AGTPBP1: variants seen among roughly 807,000 people sequenced by gnomAD.
AGTPBP1 encodes the protein ATP/GTP binding carboxypeptidase 1, also known as cytosolic carboxypeptidase 1.
AGTPBP1 carries 70 observed loss-of-function variants against 143.9 expected under a neutral mutation model. The observed-to-expected ratio is 0.49, with a 90% CI of 0.40 to 0.59. The LOEUF (loss-of-function observed/expected upper bound fraction) is 0.59, where lower values mean the gene tolerates loss of function less well. Among genes scored for constraint, AGTPBP1 ranks in the 20% least tolerant of loss-of-function variants. The probability of loss-of-function intolerance (pLI) is 0.00; values close to 1 mark genes in which losing one functional copy is unlikely to be tolerated. For missense variants in AGTPBP1, 1,229 were observed against 1,464.5 expected, an observed-to-expected ratio of 0.84 and a Z score of 2.62; for synonymous variants, 463 against 500.2, an observed-to-expected ratio of 0.93 and a Z score of 0.99.
chr9:85,660,128 T>G (rs1238809162), intron 9 of AGTPBP1, among the ~76,000 whole-genome samples: 1 of 151,668 alleles, frequency 6.6e-6, no homozygotes, highest in Non-Finnish European at 1.5e-5. Flanking sequence ...TAGGGGCAAG[T>G]TGGTCTCACC....
At chr9:85,628,152 T>C (rs936944873) in intron 14 of AGTPBP1, among the ~76,000 whole-genome samples, 13 of 152,228 alleles carry the variant, frequency 8.5e-5, no homozygotes, top group African/African-American at 1.4e-4. Flanking sequence ...GTAGTAGTCA[T>C]GGCTAAGGTG....
At chr9:85,567,406 C>T (rs118152044) in intron 25 of AGTPBP1, among the ~76,000 whole-genome samples, 3,999 of 152,186 alleles carry the variant, frequency 0.026, 68 homozygotes, top group Middle Eastern at 0.058. Flanking sequence ...GCCTGGCCTA[C>T]ATGGTGAAGC....
At chr9:85,801,854 G>A in the AGTPBP1 span, among the ~76,000 whole-genome samples, 29 of 149,782 alleles carry the variant, frequency 1.9e-4, no homozygotes, top group East Asian at 2.2e-3. Context: ...TACTAGGGCT[G>A]CTATCACTCT....
chr9:85,743,480 C>T (rs1402896303), upstream of AGTPBP1, among the ~76,000 whole-genome samples: 1 of 152,176 alleles, frequency 6.6e-6, no homozygotes, highest in Non-Finnish European at 1.5e-5. Context: ...CTTAGAGCTA[C>T]TCCCCCACCC....
chr9:85,762,597 A>G, the AGTPBP1 span, among the ~76,000 whole-genome samples: 58 of 137,686 alleles, frequency 4.2e-4, no homozygotes, highest in Non-Finnish European at 8.2e-4. Flanking sequence ...CAGGAAGGGG[A>G]ACATCACACA....
At chr9:85,754,809 A>AT in the AGTPBP1 span, among the ~76,000 whole-genome samples, 1 of 152,128 alleles carries the variant, frequency 6.6e-6, no homozygotes, top group African/African-American at 2.4e-5. Flanking sequence ...CCACCCAGAA[A>AT]TGTCATCACC....
the AGTPBP1 span, among the ~76,000 whole-genome samples, chr9:85,778,752 C>A: frequency 6.6e-6 from 1 of 152,184 alleles, no homozygotes; most frequent in Admixed American, 6.5e-5. Context: ...GGCCCCACAC[C>A]ACTGGACCCC....
At chr9:85,741,412 C>A (rs1303427573) in intron 1 of AGTPBP1, 1 of 985,144 alleles carries the variant, frequency 1.0e-6, no homozygotes, top group African/African-American at 1.7e-5. Context: ...CTGGACTCCC[C>A]GCGGCGCCGC....
the AGTPBP1 span, among the ~76,000 whole-genome samples, chr9:85,766,230 C>T: frequency 2.8e-4 from 42 of 151,968 alleles, no homozygotes; most frequent in African/African-American, 8.7e-4. Context: ...CTGAAGGACA[C>T]TGAAAATCAA....
At chr9:85,770,389 T>A in the AGTPBP1 span, 1 of 1,604,764 alleles carries the variant, frequency 6.2e-7, no homozygotes, top group Admixed American at 1.7e-5. Flanking sequence ...ACTTAGAGCA[T>A]CATTCCATAA....
chr9:85,647,538 T>TA (rs1832894377), intron 11 of AGTPBP1, among the ~76,000 whole-genome samples: 1 of 151,256 alleles, frequency 6.6e-6, no homozygotes, highest in African/African-American at 2.4e-5. Context: ...CAGAAAGGAG[T>TA]AAACACGTAA....
the AGTPBP1 span, among the ~76,000 whole-genome samples, chr9:85,783,129 C>G: frequency 6.6e-6 from 1 of 152,078 alleles, no homozygotes; most frequent in Non-Finnish European, 1.5e-5. Flanking sequence ...GATCTTCATC[C>G]TGGCTCTTTA....
At chr9:85,619,416 A>G (rs1830781623) in intron 15 of AGTPBP1, 115 bp from the exon 16 acceptor site, 4 of 695,826 alleles carry the variant, frequency 5.7e-6, no homozygotes, top group African/African-American at 5.4e-5. Context: ...CACCTTCCTC[A>G]TTATTTTTAA....
chr9:85,722,153 G>A (rs1008067885), intron 1 of AGTPBP1, among the ~76,000 whole-genome samples: 1 of 152,058 alleles, frequency 6.6e-6, no homozygotes, highest in Non-Finnish European at 1.5e-5. Flanking sequence ...GTGTCTTGGG[G>A]TTGCTCTTCT....
rs1031354657 is a variant in AGTPBP1 at position 85,671,186 on chromosome 9, G to A, written c.568+1364C>T. 8.6e-5 allele frequency among the ~76,000 whole-genome samples: 13 copies of A among 151,902 alleles called. No homozygotes were observed. In the East Asian group the frequency reaches 2.1e-3, roughly 25 times the overall value. On this transcript the variant is annotated intron_variant, in intron 7 of 25. Transcript: ENST00000357081. ...TGGTTGCAAACTCCTGGCCTCAAGC[G>A]GTCCTTCTGCCTAGCCTCTGAAGTG...
At chr9:85,597,776 C>T (rs1829390329) in intron 17 of AGTPBP1, among the ~76,000 whole-genome samples, 1 of 150,978 alleles carries the variant, frequency 6.6e-6, no homozygotes, top group Admixed American at 6.6e-5. Flanking sequence ...CTCCTTTAAA[C>T]TGCTGATGCA....
chr9:85,691,132 C>A (rs1240393121), intron 3 of AGTPBP1, among the ~76,000 whole-genome samples: 4 of 152,058 alleles, frequency 2.6e-5, no homozygotes, highest in Non-Finnish European at 5.9e-5. Flanking sequence ...ATAACGAACA[C>A]CCTTGTTCAT....
chr9:85,697,212 A>G (rs985018081), intron 2 of AGTPBP1, among the ~76,000 whole-genome samples: 4 of 152,178 alleles, frequency 2.6e-5, no homozygotes, highest in Admixed American at 1.3e-4. Context: ...ATATTTACAC[A>G]TAACATGTAA....
chr9:85,603,167 G>A (rs1458111166), intron 17 of AGTPBP1, among the ~76,000 whole-genome samples: 1 of 152,176 alleles, frequency 6.6e-6, no homozygotes, highest in African/African-American at 2.4e-5. Flanking sequence ...GGCCCAGTGG[G>A]ACACCAATCA....
Sources: allele counts gnomAD v4.1 joint callset (sites outside exome capture counted in the v4.1 genomes callset), GRCh38; gene constraint gnomAD v4.1.1; transcripts MANE v1.5; gene names NCBI Gene and HGNC (gene_info 2026-07-23, HGNC 2026-07-21).